The following GPC5 variants were observed in gnomAD, a reference collection of about 807,000 sequenced individuals.
GPC5 encodes the protein glypican-5.
Under a neutral mutation model 53.9 loss-of-function variants are expected in GPC5, and 47 were observed. The ratio of observed to expected loss-of-function variants is 0.87; its 90% CI spans 0.69 to 1.11. The LOEUF (loss-of-function observed/expected upper bound fraction) is 1.11. Among genes scored for constraint, GPC5 ranks in the 50% most tolerant of loss-of-function variants. The pLI is 0.00. For missense variants in GPC5, 748 were observed against 713.1 expected, an observed-to-expected ratio of 1.05 and a Z score of -0.56; for synonymous variants, 286 against 263.3, an observed-to-expected ratio of 1.09 and a Z score of -0.84.
chr13:91,823,654 C>A (rs1194808095), intron 5 of GPC5, among the ~76,000 whole-genome samples: 1 of 152,006 alleles, frequency 6.6e-6, no homozygotes, highest in East Asian at 1.9e-4. Flanking sequence ...TATTCTTAGT[C>A]TTTTATTAAT....
intron 7 of GPC5, among the ~76,000 whole-genome samples, chr13:92,782,511 G>A (rs888420347): frequency 6.6e-6 from 1 of 152,140 alleles, no homozygotes. Flanking sequence ...CCTAAAGAAT[G>A]TGGAAAGAGG....
intron 7 of GPC5, among the ~76,000 whole-genome samples, chr13:92,319,341 A>C (rs1055488143): frequency 6.6e-6 from 1 of 151,434 alleles, no homozygotes; most frequent in African/African-American, 2.4e-5. Flanking sequence ...CAGGAATCTT[A>C]ACTGTGAGCT....
chr13:92,102,145 G>A (rs1343949565), intron 6 of GPC5, among the ~76,000 whole-genome samples: 1 of 152,098 alleles, frequency 6.6e-6, no homozygotes, highest in Non-Finnish European at 1.5e-5. Flanking sequence ...AAGGACATGG[G>A]TGAACTCAGA....
intron 2 of GPC5, among the ~76,000 whole-genome samples, chr13:91,657,642 G>C (rs981682844): frequency 6.6e-6 from 1 of 152,090 alleles, no homozygotes; most frequent in African/African-American, 2.4e-5. Context: ...TGGTAGAGAA[G>C]TGAGATGCTA....
chr13:92,857,169 A>G (rs1165417270), intron 7 of GPC5, among the ~76,000 whole-genome samples: 2 of 152,090 alleles, frequency 1.3e-5, no homozygotes, highest in Non-Finnish European at 2.9e-5. Flanking sequence ...AGCAGCACAC[A>G]TAGAAAGAAC....
chr13:92,319,031 G>T (rs1156973149), intron 7 of GPC5, among the ~76,000 whole-genome samples: 1 of 152,134 alleles, frequency 6.6e-6, no homozygotes, highest in Non-Finnish European at 1.5e-5. Flanking sequence ...GTAGGGCAAA[G>T]ACCCTTAAAC....
rs1479003721 is a variant in GPC5 at position 91,989,034 on chromosome 13, C to T, written c.1401+80977C>T. On this transcript the variant is annotated intron_variant, in intron 6 of 7. Coordinates refer to ENST00000377067, the MANE Select transcript of GPC5 (RefSeq NM_004466.6). ...CACATGACAGTAAAAATACAAAACA[C>T]AACAAAAAGCAAAAATGCAGTCAAG... Among the ~76,000 whole-genome samples, 30 of 149,620 alleles carry T rather than the reference C, an allele frequency of 2.0e-4. 2 individuals are homozygous for T. The highest frequency in any genetic ancestry group is 7.5e-5 in the Non-Finnish European group (5 of 66,702).
intron 7 of GPC5, among the ~76,000 whole-genome samples, chr13:92,206,842 A>G (rs1452876937): frequency 2.0e-5 from 3 of 152,092 alleles, no homozygotes; most frequent in Non-Finnish European, 2.9e-5. Flanking sequence ...ATGTGACCAA[A>G]ATGTCTTCTA....
rs145336505 is a variant in GPC5, at chr13:91,693,709, C to A, written c.848C>A (p.Ala283Glu). 6 of 1,614,038 alleles carry A rather than the reference C, an allele frequency of 3.7e-6. No homozygotes were observed. Among genetic ancestry groups the A allele is most frequent in the Admixed American group, 1.7e-5 (1 of 60,004 alleles). ...CTCAATGTCATGCGAGGCTGCCTGG[C>A]GCACATGGCGGAGCTTAATCCACAC... The part of the protein sequence containing the change: ...YCLNVMRGCL[A>E]HMAELNPHWH... Residue 283 changes from alanine (A) to glutamate (E), a missense_variant, in exon 3 of 8, where the codon GCG (alanine) becomes GAG (glutamate). By Grantham distance (107) the Ala-to-Glu change is moderately radical. Coordinates refer to ENST00000377067, the MANE Select transcript of GPC5 (RefSeq NM_004466.6).
At chr13:91,764,029 A>G (rs548711034) in intron 5 of GPC5, among the ~76,000 whole-genome samples, 9 of 151,980 alleles carry the variant, frequency 5.9e-5, no homozygotes, top group Non-Finnish European at 1.3e-4. Flanking sequence ...GTTGTTTTTT[A>G]TTTTTATATA....
chr13:91,880,727 G>T (rs2039255054), intron 5 of GPC5, among the ~76,000 whole-genome samples: 1 of 152,138 alleles, frequency 6.6e-6, no homozygotes, highest in Non-Finnish European at 1.5e-5. Flanking sequence ...GGGAAAAAGT[G>T]ATTCTTCCAG....
chr13:92,160,500 T>C (rs1023208663), intron 7 of GPC5, among the ~76,000 whole-genome samples: 1 of 152,138 alleles, frequency 6.6e-6, no homozygotes, highest in African/African-American at 2.4e-5. Context: ...GATAATCACA[T>C]AGAAAATTAG....
At chr13:92,589,995 TA>T (rs2139065801) in intron 7 of GPC5, among the ~76,000 whole-genome samples, 1 of 152,074 alleles carries the variant, frequency 6.6e-6, no homozygotes, top group South Asian at 2.1e-4. Flanking sequence ...AGTGCATAAT[TA>T]GAGGTTGTTG....
intron 7 of GPC5, among the ~76,000 whole-genome samples, chr13:92,554,034 TA>T (rs1441980693): frequency 6.6e-5 from 10 of 151,982 alleles, no homozygotes; most frequent in African/African-American, 2.4e-4. Flanking sequence ...ATAATTCATA[TA>T]CTTATGCATA....
chr13:92,631,192 G>A (rs932667596), intron 7 of GPC5, among the ~76,000 whole-genome samples: 5 of 152,010 alleles, frequency 3.3e-5, no homozygotes, highest in African/African-American at 1.2e-4. Context: ...GCTTGTCAAT[G>A]TTATTAAAAT....
intron 6 of GPC5, among the ~76,000 whole-genome samples, chr13:92,104,111 G>A (rs980555761): frequency 4.0e-4 from 61 of 152,280 alleles, no homozygotes; most frequent in African/African-American, 1.3e-3. Flanking sequence ...GTAAGTAGGG[G>A]TTTTGAGGGA....
At position 91,571,771 on chromosome 13, in the gene GPC5, A is replaced by ATG. The variant is rs1190929976; in HGVS notation, c.326-121415_326-121414insGT. On this transcript the variant is annotated intron_variant, in intron 2 of 7. Coordinates refer to ENST00000377067, the MANE Select transcript of GPC5 (RefSeq NM_004466.6). ...TACACACATATACATGTGTATGTGT[A>ATG]TATACACACACATATACGTGTGTGT... Among the ~76,000 whole-genome samples, 136 of 118,146 alleles carry ATG rather than the reference A, an allele frequency of 1.2e-3. 3 individuals are homozygous for ATG. The highest frequency in any genetic ancestry group is 5.0e-3 in the East Asian group (20 of 4,040). The allele number at this position is 118,146 out of a possible 152,430, so 77.5% of individuals were successfully genotyped here.
At chr13:92,613,780 C>A (rs11840690) in intron 7 of GPC5, among the ~76,000 whole-genome samples, 11,162 of 148,268 alleles carry the variant, frequency 0.075, 1,331 homozygotes, top group African/African-American at 0.25. Flanking sequence ...CTCACTTGAG[C>A]ACGGAGGTCA....
At chr13:92,289,720 TTAA>T (rs2042980701) in intron 7 of GPC5, among the ~76,000 whole-genome samples, 1 of 152,044 alleles carries the variant, frequency 6.6e-6, no homozygotes, top group Admixed American at 6.6e-5. Context: ...TGTCATCCAC[TTAA>T]TAATGAAGTA....
Sources: allele counts gnomAD v4.1 joint callset (sites outside exome capture counted in the v4.1 genomes callset), GRCh38; gene constraint gnomAD v4.1.1; transcripts MANE v1.5; gene names NCBI Gene and HGNC (gene_info 2026-07-23, HGNC 2026-07-21).